The following NBEAL1 variants were observed in gnomAD, a reference collection of about 807,000 sequenced individuals.
NBEAL1 encodes the protein neurobeachin-like protein 1.
NBEAL1 carries 273 observed loss-of-function variants against 351.3 expected under a neutral mutation model. That is an observed-to-expected ratio of 0.78 (90% confidence interval 0.70 to 0.86). The LOEUF (loss-of-function observed/expected upper bound fraction) is 0.86, where lower values mean the gene tolerates loss of function less well. Ranked by LOEUF, NBEAL1 falls within the 40% of genes least tolerant of loss-of-function variation. The pLI is 0.00. For missense variants in NBEAL1, 2,961 were observed against 3,201.3 expected (o/e 0.92, Z 1.81); for synonymous variants, 1,050 against 1,086.4 (o/e 0.97, Z 0.66).
intron 38 of NBEAL1, among the ~76,000 whole-genome samples, chr2:203,168,655 G>A (rs902297314): frequency 6.6e-6 from 1 of 151,958 alleles, no homozygotes; most frequent in African/African-American, 2.4e-5. Context: ...TAGCACTTTG[G>A]GAGGCCAAGG....
At chr2:203,179,693 A>T (rs956415785) in intron 42 of NBEAL1, among the ~76,000 whole-genome samples, 3 of 152,178 alleles carry the variant, frequency 2.0e-5, no homozygotes, top group Non-Finnish European at 2.9e-5. Flanking sequence ...AAGTATATTG[A>T]TACTATAATG....
At chr2:203,120,515 C>T (rs148635791) in intron 18 of NBEAL1, among the ~76,000 whole-genome samples, 53 of 152,130 alleles carry the variant, frequency 3.5e-4, no homozygotes, top group African/African-American at 1.1e-3. Context: ...CAAGGTTGAG[C>T]AGGGATGCAT....
intron 46 of NBEAL1, among the ~76,000 whole-genome samples, 193 bp from the exon 47 acceptor site, chr2:203,193,602 G>A (rs993703773): frequency 1.3e-5 from 2 of 152,118 alleles, no homozygotes; most frequent in Non-Finnish European, 2.9e-5. Context: ...AAACTTTAAA[G>A]TAGAAGTGGG....
At position 203,180,478 on chromosome 2, in the gene NBEAL1, C is replaced by A; in HGVS notation, c.6561C>A (p.Phe2187Leu). The A allele has an allele frequency of 1.2e-6, 2 of 1,611,082 alleles. No individual in the cohort carries two copies. Among genetic ancestry groups the A allele is most frequent in the South Asian group, 2.2e-5 (2 of 90,404 alleles). ...ATGTTAAAGAACTTATTCCTGAATT[C>A]TTCTATTTCCCAGAGTTTTTGGAAA... ...PYDVKELIPE[F>L]FYFPEFLENQ... The change falls in exon 43 of 56, where the codon TTC becomes TTA. Residue 2187 changes from phenylalanine (F) to leucine (L), a missense_variant. Transcript: ENST00000683969.
In NBEAL1 at chr2:203,217,731, T is replaced by A. The variant is rs1288747786; in HGVS notation, c.*377T>A. On this transcript the variant is annotated 3_prime_UTR_variant, in exon 56 of 56. Coordinates refer to ENST00000683969, the MANE Select transcript of NBEAL1 (RefSeq NM_001378026.1). The stretch of plus-strand genomic sequence containing the variant: ...TTAAATACATTCTTAAGTAATCATT[T>A]TCCTATTTACTGACCACTGTAATGA... The A allele has an allele frequency of 1.0e-6, 1 of 969,082 alleles. No homozygotes were observed. The highest frequency in any genetic ancestry group is 1.8e-5 in the African/African-American group (1 of 56,972). 60.0% of individuals were successfully genotyped at this position (969,082 alleles called of 1,614,324 possible). A position where few individuals can be genotyped will look rare whatever the true frequency, so the allele number is the denominator to read the frequency against.
Position 203,193,908 on chromosome 2 carries a change from A to G in NBEAL1, c.7035A>G (p.Ile2345Met). The G allele has an allele frequency of 6.4e-7, 1 of 1,556,044 alleles. No homozygotes were observed. The highest frequency in any genetic ancestry group is 1.1e-5 in the South Asian group (1 of 89,142). Reference protein sequence around the residue: ...QHLPELKSFFIEGISDGIPLL... With the variant: ...QHLPELKSFFMEGISDGIPLL... ...TTCCTGAACTCAAGTCATTTTTTAT[A>G]GAGGTAATATCCTACTTGGTAATAT... The change falls in exon 47 of 56, where the codon ATA becomes ATG. Residue 2345 changes from isoleucine to methionine, a missense_variant. By Grantham distance (10) the Ile-to-Met change is conservative. Coordinates refer to ENST00000683969, the MANE Select transcript of NBEAL1 (RefSeq NM_001378026.1).
intron 33 of NBEAL1, among the ~76,000 whole-genome samples, chr2:203,146,785 C>T (rs530436795): frequency 5.3e-5 from 8 of 151,990 alleles, no homozygotes; most frequent in South Asian, 4.2e-4. Flanking sequence ...CAGCAAGACT[C>T]GGTCTCAAGA....
At chr2:203,130,185 T>C in intron 24 of NBEAL1, 133 bp from the exon 25 acceptor site, 2 of 867,624 alleles carry the variant, frequency 2.3e-6, no homozygotes, top group Non-Finnish European at 3.3e-6. Flanking sequence ...TAAAAAGACA[T>C]CATATCAGAT....
intron 31 of NBEAL1, among the ~76,000 whole-genome samples, chr2:203,142,690 CT>C (rs1254581538): frequency 1.3e-5 from 2 of 151,946 alleles, no homozygotes; most frequent in African/African-American, 4.8e-5. Flanking sequence ...GGATATTTAA[CT>C]TTTTATGTAA....
intron 10 of NBEAL1, among the ~76,000 whole-genome samples, chr2:203,090,379 G>T (rs2062040519): frequency 6.6e-6 from 1 of 151,960 alleles, no homozygotes; most frequent in South Asian, 2.1e-4. Flanking sequence ...TCCAGTGTCT[G>T]TTATTCTATT....
Position 203,208,654 on chromosome 2 carries a change from C to T in NBEAL1, c.7524C>T (p.Gly2508=), listed in dbSNP as rs1416918319. ...ATTATTAGGGAGGTGTTCCTGTGGG[C>T]TTAGCATCTAAACCTTTTCAGATTC... ...QITQQGGVPV[G]LASKPFQILY... The change falls in exon 52 of 56, where the codon GGC becomes GGT. Residue 2508 remains glycine, a synonymous_variant. Coordinates refer to ENST00000683969, the MANE Select transcript of NBEAL1 (RefSeq NM_001378026.1). 6.2e-7 allele frequency: 1 copy of T among 1,609,404 alleles called. No homozygotes were observed. The highest frequency in any genetic ancestry group is 1.3e-5 in the African/African-American group (1 of 74,678).
At chr2:203,143,018 A>G (rs913607822) in intron 31 of NBEAL1, among the ~76,000 whole-genome samples, 5 of 152,234 alleles carry the variant, frequency 3.3e-5, no homozygotes, top group African/African-American at 9.6e-5. Context: ...TGTACAGCGC[A>G]GACCAGCTTT....
chr2:203,028,896 C>G (rs917269790), intron 2 of NBEAL1, among the ~76,000 whole-genome samples: 1 of 152,038 alleles, frequency 6.6e-6, no homozygotes, highest in Non-Finnish European at 1.5e-5. Context: ...CCATATACCC[C>G]CTGTCCCCAC....
intron 35 of NBEAL1, among the ~76,000 whole-genome samples, chr2:203,153,968 G>A (rs1057045661): frequency 1.3e-5 from 2 of 151,656 alleles, no homozygotes; most frequent in Non-Finnish European, 1.5e-5. Flanking sequence ...CAAGTGAGCC[G>A]GGCGTGGTGG....
intron 6 of NBEAL1, among the ~76,000 whole-genome samples, chr2:203,057,828 T>C (rs1197143556): frequency 6.6e-6 from 1 of 150,604 alleles, no homozygotes; most frequent in Non-Finnish European, 1.5e-5. Flanking sequence ...TTTTTTCTTT[T>C]TTTTTTTTTT....
At chr2:203,136,513 A>T in intron 28 of NBEAL1, 86 bp from the exon 29 acceptor site, 1 of 983,804 alleles carries the variant, frequency 1.0e-6, no homozygotes, top group Non-Finnish European at 1.5e-6. Context: ...TTAAATGATT[A>T]CAATGAGTAT....
chr2:203,061,376 C>T (rs1487544945), intron 6 of NBEAL1: 6 of 152,186 alleles, frequency 3.9e-5, no homozygotes, highest in Admixed American at 1.3e-4. Context: ...GAAGTCTTTA[C>T]CACATTTCTT....
At chr2:203,038,482 T>C (rs749355227) in intron 2 of NBEAL1, among the ~76,000 whole-genome samples, 1 of 149,214 alleles carries the variant, frequency 6.7e-6, no homozygotes, top group Non-Finnish European at 1.5e-5. Context: ...TAGGATGCTG[T>C]TTGGCCGTTT....
intron 2 of NBEAL1, among the ~76,000 whole-genome samples, chr2:203,028,056 G>T (rs1387870649): frequency 6.6e-6 from 1 of 151,978 alleles, no homozygotes; most frequent in East Asian, 1.9e-4. Flanking sequence ...GCTAATTTTT[G>T]TATTTTTAGT....
Sources: allele counts gnomAD v4.1 joint callset (sites outside exome capture counted in the v4.1 genomes callset), GRCh38; gene constraint gnomAD v4.1.1; transcripts MANE v1.5; gene names NCBI Gene and HGNC (gene_info 2026-07-23, HGNC 2026-07-21).